Variants in ZDHHC24 observed in about 807,000 individuals in gnomAD.
The protein encoded by ZDHHC24 is zDHHC palmitoyltransferase 24, also known as probable palmitoyltransferase ZDHHC24.
ZDHHC24 carries 17 observed loss-of-function variants against 23.2 expected under a neutral mutation model. The observed-to-expected ratio is 0.73, with a 90% confidence interval of 0.50 to 1.10. The LOEUF is 1.10. Among genes scored for constraint, ZDHHC24 ranks in the 50% least tolerant of loss-of-function variants. The pLI is 0.00. For synonymous variants in ZDHHC24, 186 were observed against 194.5 expected (o/e 0.96, Z 0.36); for missense variants, 366 against 393.0 (o/e 0.93, Z 0.58).
At chr11:66,529,179 G>A (rs1856651094) in intron 3 of ZDHHC24, 1 of 1,452,866 alleles carries the variant, frequency 6.9e-7, no homozygotes, top group Non-Finnish European at 9.1e-7. Context: ...TGGAAGAGGA[G>A]GGACAGTGGG....
Position 66,539,229 on chromosome 11 carries a change from G to A in ZDHHC24, c.*300C>T. On this transcript the variant is annotated 3_prime_UTR_variant, in exon 3 of 3. Coordinates refer to ENST00000310442, the MANE Select transcript of ZDHHC24 (RefSeq NM_207340.3). ...AACAGCCCCAGCAACAAAGTGAGGG[G>A]CCAGAAACTATGCAAAGATGGAGGG... The A allele has an allele frequency of 9.1e-7, 1 of 1,103,530 alleles. No individual in the cohort carries two copies. Among genetic ancestry groups the A allele is most frequent in the Non-Finnish European group, 1.1e-6 (1 of 906,938 alleles). The allele number at this position is 1,103,530 out of a possible 1,614,324, so 68.4% of individuals were successfully genotyped here. A position where few individuals can be genotyped will look rare whatever the true frequency, so the allele number is the denominator to read the frequency against.
chr11:66,520,729 C>T (rs140286438), downstream of ZDHHC24: 150 of 188,582 alleles, frequency 8.0e-4, no homozygotes, highest in African/African-American at 3.4e-3. Flanking sequence ...CCCAAATATC[C>T]TTGCATGCTT....
At chr11:66,523,254 T>C in intron 4 of ZDHHC24, 1 of 717,576 alleles carries the variant, frequency 1.4e-6, no homozygotes, top group South Asian at 1.5e-5. Flanking sequence ...GACACCATAG[T>C]GAAGGTGGGA....
At chr11:66,531,035 G>T (rs776545195), downstream of ZDHHC24, 3 of 1,614,058 alleles carry the variant, frequency 1.9e-6, no homozygotes, top group Non-Finnish European at 1.7e-6. Context: ...CAAGGTACTG[G>T]ATGCTCCTCA....
downstream of ZDHHC24, chr11:66,531,152 A>G (rs2305533): frequency 1.5e-6 from 2 of 1,353,904 alleles, no homozygotes; most frequent in African/African-American, 1.5e-5. Context: ...TGGCCAGCAG[A>G]CCTACTCTCC....
chr11:66,527,840 G>A (rs1856587462), intron 3 of ZDHHC24: 2 of 152,416 alleles, frequency 1.3e-5, no homozygotes, highest in Admixed American at 6.6e-5. Flanking sequence ...GCTTCAGAGC[G>A]AGGTGACTTT....
At chr11:66,531,229 C>G (rs1294015105), downstream of ZDHHC24, among the ~76,000 whole-genome samples, 1 of 152,160 alleles carries the variant, frequency 6.6e-6, no homozygotes, top group African/African-American at 2.4e-5. Context: ...GCCTCTGCTG[C>G]TTTTCTTGCA....
At chr11:66,531,146 C>T, downstream of ZDHHC24, 1 of 1,406,562 alleles carries the variant, frequency 7.1e-7, no homozygotes, top group Non-Finnish European at 9.8e-7. Context: ...GCCAGGTGGC[C>T]AGCAGACCTA....
At chr11:66,523,545 C>T (rs1340024264) in intron 4 of ZDHHC24, 2 of 1,614,148 alleles carry the variant, frequency 1.2e-6, no homozygotes, top group Non-Finnish European at 1.7e-6. Context: ...GTGGGCAGCA[C>T]CCAAGACAGC....
chr11:66,531,156 A>G, downstream of ZDHHC24: 1 of 1,304,762 alleles, frequency 7.7e-7, no homozygotes, highest in Non-Finnish European at 1.1e-6. Context: ...CAGCAGACCT[A>G]CTCTCCCACC....
chr11:66,522,141 T>C (rs1404375837), intron 4 of ZDHHC24, among the ~76,000 whole-genome samples: 2 of 145,386 alleles, frequency 1.4e-5, no homozygotes, highest in Non-Finnish European at 3.0e-5. Flanking sequence ...GGCGTGAACC[T>C]GGGAGGTGGA....
At position 66,538,851 on chromosome 11, in the gene ZDHHC24, C is replaced by G. The variant is rs901281676; in HGVS notation, c.*678G>C. 1 of 152,286 alleles carries G rather than the reference C, an allele frequency of 6.6e-6. No individual in the cohort carries two copies. The allele number at this position is 152,286 out of a possible 1,614,324, so 9.4% of individuals were successfully genotyped here. ...TCTTTACCTTGATTTCTTTCCTACT[C>G]ATTTCCTCCAGCTGTGCAAGGGTAA... On this transcript the variant is annotated 3_prime_UTR_variant, in exon 3 of 3. Coordinates refer to ENST00000310442, the MANE Select transcript of ZDHHC24 (RefSeq NM_207340.3).
At chr11:66,544,853 G>T (rs1474859561) in intron 1 of ZDHHC24, among the ~76,000 whole-genome samples, 1 of 152,028 alleles carries the variant, frequency 6.6e-6, no homozygotes, top group Non-Finnish European at 1.5e-5. Flanking sequence ...TGTGTGTGTA[G>T]AGCCTGTACC....
chr11:66,528,637 AAC>A (rs1172327328), intron 3 of ZDHHC24, among the ~76,000 whole-genome samples: 1 of 152,144 alleles, frequency 6.6e-6, no homozygotes, highest in Non-Finnish European at 1.5e-5. Flanking sequence ...ACTGTCCAAA[AAC>A]ACACAATCAG....
rs1857101395 is a variant in ZDHHC24, at chr11:66,539,940, G to A, written c.560-116C>T. ...TCCTCCGCTCAGCAAACCCTGTGTC[G>A]ATACTCGCTGGCCAGCCCGTGCTGG... On this transcript the variant is annotated intron_variant, in intron 2 of 2. Transcript: ENST00000310442. 24 of 1,084,888 alleles carry A rather than the reference G, an allele frequency of 2.2e-5. No homozygotes were observed. The East Asian group carries it at 3.2e-4, about 14-fold the overall frequency. The allele number at this position is 1,084,888 out of a possible 1,614,324, so 67.2% of individuals were successfully genotyped here. A position where few individuals can be genotyped will look rare whatever the true frequency, so the allele number is the denominator to read the frequency against.
At position 66,522,915 on chromosome 11, in the gene ZDHHC24, C is replaced by T. The variant is rs373432727; in HGVS notation, c.*22-1449G>A. On this transcript the variant is annotated intron_variant, in intron 4 of 4. Transcript: ENST00000526986. ...AGATGGCTTGAAAGTTAAAAAGGAA[C>T]CAGTTGGTGAGAAAGTCGGGAAGAG... 1.2e-3 allele frequency: 421 copies of T among 346,924 alleles called. 4 individuals are homozygous for T. The highest frequency in any genetic ancestry group is 9.2e-3 in the South Asian group (411 of 44,518). The allele number at this position is 346,924 out of a possible 1,614,324, so 21.5% of individuals were successfully genotyped here.
At chr11:66,527,110 C>T in intron 3 of ZDHHC24, 1 of 1,236,590 alleles carries the variant, frequency 8.1e-7, no homozygotes, top group Admixed American at 2.0e-5. Context: ...GGCATGGTGG[C>T]TCACGCCTGT....
rs1857004756 is a variant in ZDHHC24 at position 66,537,523 on chromosome 11, C to T, written c.*2006G>A. 6.6e-6 allele frequency: 1 copy of T among 152,170 alleles called. No individual in the cohort carries two copies. The highest frequency in any genetic ancestry group is 2.4e-5 in the African/African-American group (1 of 41,446). 9.4% of individuals were successfully genotyped at this position (152,170 alleles called of 1,614,324 possible). ...TAATTTCAGCTCTTAATTCTCCATC[C>T]ACTTTCCATCTTTGAAAATGTCAGC... On this transcript the variant is annotated 3_prime_UTR_variant, in exon 3 of 3. Coordinates refer to ENST00000310442, the MANE Select transcript of ZDHHC24 (RefSeq NM_207340.3).
chr11:66,544,114 A>C, intron 1 of ZDHHC24, 133 bp from the exon 2 acceptor site: 1 of 1,196,152 alleles, frequency 8.4e-7, no homozygotes, highest in Non-Finnish European at 1.2e-6. Flanking sequence ...ATTTCTTTAC[A>C]AGTAAATGCA....
Sources: allele counts gnomAD v4.1 joint callset (sites outside exome capture counted in the v4.1 genomes callset), GRCh38; gene constraint gnomAD v4.1.1; transcripts MANE v1.5; gene names NCBI Gene and HGNC (gene_info 2026-07-23, HGNC 2026-07-21).